REEP1: variants seen among roughly 807,000 people sequenced by gnomAD.
REEP1 encodes the protein receptor accessory protein 1.
In REEP1, 22 loss-of-function variants were observed where a neutral mutation model predicts 40.3. The ratio of observed to expected loss-of-function variants is 0.55; its 90% CI spans 0.39 to 0.78. The LOEUF (loss-of-function observed/expected upper bound fraction) is 0.78, where lower values mean the gene tolerates loss of function less well. REEP1 is among the 30% of genes least tolerant of loss of function. The probability of loss-of-function intolerance (pLI) is 0.00; values close to 1 mark genes in which losing one functional copy is unlikely to be tolerated. For missense variants in REEP1, 280 were observed against 361.1 expected, an observed-to-expected ratio of 0.78 and a Z score of 1.82; for synonymous variants, 116 against 139.2, an observed-to-expected ratio of 0.83 and a Z score of 1.17.
At chr2:86,290,813 C>G (rs970673391) in intron 1 of REEP1, among the ~76,000 whole-genome samples, 1 of 152,206 alleles carries the variant, frequency 6.6e-6, no homozygotes, top group African/African-American at 2.4e-5. Context: ...GCACACAGCT[C>G]AGGTTCCCAT....
chr2:86,302,234 T>G (rs1679285070), intron 1 of REEP1, among the ~76,000 whole-genome samples: 1 of 152,230 alleles, frequency 6.6e-6, no homozygotes, highest in Admixed American at 6.5e-5. Context: ...CCCTTGTCAC[T>G]GAGGGCCAAC....
intron 1 of REEP1, among the ~76,000 whole-genome samples, chr2:86,289,368 T>A (rs369768816): frequency 7.9e-5 from 12 of 152,224 alleles, no homozygotes; most frequent in African/African-American, 2.9e-4. Flanking sequence ...ATTTGACTGA[T>A]CTACTGTCTA....
intron 2 of REEP1, among the ~76,000 whole-genome samples, chr2:86,267,307 A>G (rs1325423242): frequency 2.0e-5 from 3 of 152,118 alleles, no homozygotes; most frequent in Admixed American, 1.3e-4. Context: ...TGGTTTTATA[A>G]CAGGTAGTTT....
At chr2:86,310,950 G>T (rs1679735739) in intron 1 of REEP1, among the ~76,000 whole-genome samples, 1 of 152,124 alleles carries the variant, frequency 6.6e-6, no homozygotes, top group Non-Finnish European at 1.5e-5. Flanking sequence ...CCAATAATTG[G>T]TGCTAGCAGT....
chr2:86,329,261 G>C (rs1470674400), intron 1 of REEP1, among the ~76,000 whole-genome samples: 1 of 152,240 alleles, frequency 6.6e-6, no homozygotes, highest in Non-Finnish European at 1.5e-5. Context: ...TGGCGAGCCA[G>C]AGTGGTTTTG....
rs141544701 is a variant in REEP1, at chr2:86,272,376, C to G, written c.106-8335G>C. 2.6e-5 allele frequency among the ~76,000 whole-genome samples: 4 copies of G among 152,326 alleles called. No individual in the cohort carries two copies. In the East Asian group the frequency reaches 5.8e-4, roughly 22 times the overall value. On this transcript the variant is annotated intron_variant, in intron 2 of 8. Coordinates refer to ENST00000538924, the MANE Select transcript of REEP1 (RefSeq NM_001371279.1). ...AAAATTGCTCTCACTGGGGCCTCCACTTTGTAACATACTTCAAGGAAGTGT... is the reference window on the plus strand; with the variant it reads ...AAAATTGCTCTCACTGGGGCCTCCAGTTTGTAACATACTTCAAGGAAGTGT...
chr2:86,313,897 C>T (rs919819030), intron 1 of REEP1, among the ~76,000 whole-genome samples: 3 of 152,156 alleles, frequency 2.0e-5, no homozygotes, highest in Admixed American at 6.5e-5. Context: ...TCAAGAGAAG[C>T]CCAAAATTTG....
At chr2:86,336,753 T>TGCAA (rs1212348220) in intron 1 of REEP1, 2 of 152,400 alleles carry the variant, frequency 1.3e-5, no homozygotes, top group Non-Finnish European at 2.9e-5. Context: ...CTGCAAGGCC[T>TGCAA]GGGAGGTGTC....
intron 1 of REEP1, among the ~76,000 whole-genome samples, chr2:86,332,326 C>T (rs1355705132): frequency 2.6e-5 from 4 of 151,966 alleles, no homozygotes; most frequent in South Asian, 4.1e-4. Context: ...TGGTAACCAG[C>T]TGGGCATGTG....
chr2:86,230,886 T>C (rs1387136131), intron 6 of REEP1, among the ~76,000 whole-genome samples: 1 of 152,144 alleles, frequency 6.6e-6, no homozygotes, highest in Non-Finnish European at 1.5e-5. Flanking sequence ...TTTTACTGAA[T>C]TGAGGCCCCT....
intron 1 of REEP1, among the ~76,000 whole-genome samples, chr2:86,283,974 T>TG (rs368060949): frequency 3.3e-5 from 5 of 151,272 alleles, no homozygotes; most frequent in African/African-American, 9.7e-5. Flanking sequence ...GATGAGCCAC[T>TG]GGGGGGATGA....
At chr2:86,273,110 C>CA (rs1448236184) in intron 2 of REEP1, among the ~76,000 whole-genome samples, 17 of 148,098 alleles carry the variant, frequency 1.1e-4, no homozygotes, top group Non-Finnish European at 2.1e-4. Context: ...CACTGTACTC[C>CA]AGCCTTGGCA....
chr2:86,270,170 CTTTT>C (rs752434422), intron 2 of REEP1, among the ~76,000 whole-genome samples: 2,100 of 139,094 alleles, frequency 0.015, 17 homozygotes, highest in Middle Eastern at 0.029. Flanking sequence ...TATCATTTTT[CTTTT>C]GTTTGTTTGT....
At chr2:86,255,489 A>G (rs1253221764) in intron 3 of REEP1, among the ~76,000 whole-genome samples, 2 of 152,156 alleles carry the variant, frequency 1.3e-5, no homozygotes, top group African/African-American at 4.8e-5. Flanking sequence ...GCAGTCCTGC[A>G]TACCCTCAAG....
At chr2:86,299,262 T>C (rs2104452315) in intron 1 of REEP1, among the ~76,000 whole-genome samples, 1 of 152,334 alleles carries the variant, frequency 6.6e-6, no homozygotes, top group East Asian at 1.9e-4. Flanking sequence ...ATTCTTCTAA[T>C]GCATTGGACT....
chr2:86,283,020 T>C (rs1678182577), intron 1 of REEP1, among the ~76,000 whole-genome samples: 1 of 152,154 alleles, frequency 6.6e-6, no homozygotes, highest in South Asian at 2.1e-4. Flanking sequence ...CCCTTCTTTA[T>C]CTGGTTAATG....
intron 1 of REEP1, among the ~76,000 whole-genome samples, chr2:86,317,465 A>G (rs1680071809): frequency 6.6e-6 from 1 of 152,100 alleles, no homozygotes; most frequent in African/African-American, 2.4e-5. Context: ...GATCCCTAAA[A>G]CCCCTTCAGA....
At chr2:86,232,370 C>T (rs767754296) in intron 6 of REEP1, among the ~76,000 whole-genome samples, 18 of 152,326 alleles carry the variant, frequency 1.2e-4, no homozygotes, top group Admixed American at 3.9e-4. Context: ...ATTCCCCAGA[C>T]AATCATATGG....
intron 2 of REEP1, among the ~76,000 whole-genome samples, chr2:86,279,759 AG>A (rs1315796808): frequency 1.3e-5 from 2 of 152,312 alleles, no homozygotes. Flanking sequence ...AATGGCCTCT[AG>A]GAACTGGAAA....
Sources: allele counts gnomAD v4.1 joint callset (sites outside exome capture counted in the v4.1 genomes callset), GRCh38; gene constraint gnomAD v4.1.1; transcripts MANE v1.5; gene names NCBI Gene and HGNC (gene_info 2026-07-23, HGNC 2026-07-21).